MDGA2: variants seen among roughly 807,000 people sequenced by gnomAD.
MDGA2 encodes the protein MAM domain containing glycosylphosphatidylinositol anchor 2.
A neutral mutation model predicts 117.8 loss-of-function variants in MDGA2; 40 were observed. That is an observed-to-expected ratio of 0.34 (90% CI 0.26 to 0.44). MDGA2 has a LOEUF of 0.44. Among genes scored for constraint, MDGA2 ranks in the 20% least tolerant of loss-of-function variants. MDGA2 has a pLI of 1.00. For missense variants in MDGA2, 1,123 were observed against 1,250.6 expected (o/e 0.90, Z 1.54); for synonymous variants, 452 against 439.0 (o/e 1.03, Z -0.37).
At chr14:47,457,927 T>C (rs1406888511) in intron 1 of MDGA2, among the ~76,000 whole-genome samples, 4 of 151,976 alleles carry the variant, frequency 2.6e-5, no homozygotes, top group Non-Finnish European at 5.9e-5. Flanking sequence ...TCATTCTTCT[T>C]CCAAGTGGTT....
chr14:47,105,378 C>A (rs1267276209), intron 5 of MDGA2, among the ~76,000 whole-genome samples: 1 of 151,842 alleles, frequency 6.6e-6, no homozygotes, highest in Non-Finnish European at 1.5e-5. Flanking sequence ...GAACCCCCCA[C>A]CCCTTCTCCG....
chr14:47,285,853 T>C (rs1358887341), intron 2 of MDGA2, among the ~76,000 whole-genome samples: 1 of 152,076 alleles, frequency 6.6e-6, no homozygotes, highest in Non-Finnish European at 1.5e-5. Flanking sequence ...AAAAGCAGCA[T>C]AATTAATTAA....
At chr14:47,596,549 T>C (rs1184733493) in intron 1 of MDGA2, among the ~76,000 whole-genome samples, 1 of 152,178 alleles carries the variant, frequency 6.6e-6, no homozygotes, top group African/African-American at 2.4e-5. Flanking sequence ...TTCCCCACTC[T>C]GTCTCCTCCC....
chr14:47,347,717 T>C (rs1250615600), intron 1 of MDGA2, among the ~76,000 whole-genome samples: 1 of 152,166 alleles, frequency 6.6e-6, no homozygotes, highest in African/African-American at 2.4e-5. Flanking sequence ...CAGTGGAAAT[T>C]AGTCATGGGA....
chr14:47,179,389 T>G (rs1884608061), intron 3 of MDGA2, among the ~76,000 whole-genome samples: 1 of 152,064 alleles, frequency 6.6e-6, no homozygotes, highest in African/African-American at 2.4e-5. Context: ...ATATTTAAGG[T>G]CAAACATCCT....
intron 3 of MDGA2, among the ~76,000 whole-genome samples, chr14:47,155,971 G>A (rs1204813484): frequency 1.7e-5 from 2 of 120,306 alleles, no homozygotes; most frequent in East Asian, 2.8e-4. Flanking sequence ...GAGCAGTGGC[G>A]CGATCTCGGC....
rs1894615331 is a variant in MDGA2, at chr14:47,510,445, T to G, written c.280+164072A>C. 2.0e-5 allele frequency among the ~76,000 whole-genome samples: 3 copies of G among 152,316 alleles called. No individual in the cohort carries two copies. The South Asian group carries it at 6.2e-4, about 32-fold the overall frequency. ...TCTAAATAAGACATGAAAAGCCCTT[T>G]TAAGCAATTCTACAAACCTTAACTT... On this transcript the variant is annotated intron_variant, in intron 1 of 16. Coordinates refer to ENST00000399232, the MANE Select transcript of MDGA2 (RefSeq NM_001113498.3).
intron 1 of MDGA2, among the ~76,000 whole-genome samples, chr14:47,566,365 T>C (rs138977965): frequency 2.2e-3 from 337 of 152,298 alleles, no homozygotes; most frequent in African/African-American, 7.7e-3. Context: ...GACAGAAGCA[T>C]GCTCAGGTCA....
chr14:47,052,944 C>A (rs923854368), intron 7 of MDGA2, among the ~76,000 whole-genome samples: 4 of 151,872 alleles, frequency 2.6e-5, no homozygotes, highest in Non-Finnish European at 5.9e-5. Flanking sequence ...CACTCCCTCA[C>A]TCTTTCCATA....
intron 1 of MDGA2, among the ~76,000 whole-genome samples, chr14:47,622,931 T>A (rs536998733): frequency 6.6e-6 from 1 of 152,204 alleles, no homozygotes; most frequent in South Asian, 2.1e-4. Context: ...GACTATTCTA[T>A]CTAAGTCAGG....
At chr14:47,402,395 A>C (rs1892173092) in intron 1 of MDGA2, among the ~76,000 whole-genome samples, 1 of 139,290 alleles carries the variant, frequency 7.2e-6, no homozygotes, top group South Asian at 2.3e-4. Context: ...AAAAGCCATA[A>C]AGCCATGATT....
At position 47,537,573 on chromosome 14, in the gene MDGA2, TTAAAAAAAAAAAA is replaced by T. The variant is rs1259920741; in HGVS notation, c.280+136931_280+136943del. Among the ~76,000 whole-genome samples the T allele has an allele frequency of 1.0e-3, 57 of 57,104 alleles. 1 individual carries two copies. The highest frequency in any genetic ancestry group is 7.0e-4 in the African/African-American group (12 of 17,190). The allele number at this position is 57,104 out of a possible 152,430, so 37.5% of individuals were successfully genotyped here. On this transcript the variant is annotated intron_variant, in intron 1 of 16. Transcript: ENST00000399232. Reference sequence around the variant, plus strand: ...ATTATCCACTGTTACCTTCTCTCTGTTAAAAAAAAAAAAAAAAAAAAAAAAAAAAAAAAAAAAA... The same window carrying T: ...ATTATCCACTGTTACCTTCTCTCTGTAAAAAAAAAAAAAAAAAAAAAAAAA...
intron 5 of MDGA2, among the ~76,000 whole-genome samples, chr14:47,101,177 CAAGAAAAT>C (rs1266550522): frequency 6.7e-6 from 1 of 149,198 alleles, no homozygotes; most frequent in Non-Finnish European, 1.5e-5. Context: ...TTTCGAATGA[CAAGAAAAT>C]AAGAGAAGAG....
At chr14:47,028,974 C>T (rs957962733) in intron 8 of MDGA2, among the ~76,000 whole-genome samples, 2 of 151,768 alleles carry the variant, frequency 1.3e-5, no homozygotes, top group African/African-American at 4.8e-5. Context: ...TAGATAAATC[C>T]CTGGTCACAC....
At chr14:47,349,514 A>AT (rs1181317795) in intron 1 of MDGA2, among the ~76,000 whole-genome samples, 3 of 152,232 alleles carry the variant, frequency 2.0e-5, no homozygotes, top group African/African-American at 7.2e-5. Context: ...TATTTACAAA[A>AT]TTATATGTGA....
At chr14:47,103,161 T>C (rs990753961) in intron 5 of MDGA2, among the ~76,000 whole-genome samples, 7 of 152,174 alleles carry the variant, frequency 4.6e-5, no homozygotes, top group African/African-American at 9.7e-5. Context: ...ATAGAACACA[T>C]ACATATGCTA....
intron 1 of MDGA2, among the ~76,000 whole-genome samples, chr14:47,395,264 C>T (rs1054074643): frequency 6.6e-6 from 1 of 151,986 alleles, no homozygotes; most frequent in South Asian, 2.1e-4. Flanking sequence ...AAGAAAAAAG[C>T]TTGATGCAGA....
chr14:47,567,959 C>G (rs1594922011), intron 1 of MDGA2, among the ~76,000 whole-genome samples: 1 of 151,956 alleles, frequency 6.6e-6, no homozygotes, highest in Non-Finnish European at 1.5e-5. Context: ...TGGGCTACTC[C>G]CATGCTAGCT....
intron 9 of MDGA2, among the ~76,000 whole-genome samples, chr14:46,921,948 G>C (rs1186181178): frequency 6.6e-6 from 1 of 152,062 alleles, no homozygotes; most frequent in East Asian, 1.9e-4. Flanking sequence ...TGAGGACTGA[G>C]GGGTTGCTTC....
Sources: allele counts gnomAD v4.1 joint callset (sites outside exome capture counted in the v4.1 genomes callset), GRCh38; gene constraint gnomAD v4.1.1; transcripts MANE v1.5; gene names NCBI Gene and HGNC (gene_info 2026-07-23, HGNC 2026-07-21).